IL1RAPL1: variants seen among roughly 807,000 people sequenced by gnomAD.
IL1RAPL1 encodes the protein interleukin 1 receptor accessory protein like 1.
Under a neutral mutation model 48.4 loss-of-function variants are expected in IL1RAPL1, and 3 were observed. The ratio of observed to expected loss-of-function variants is 0.06; its 90% confidence interval spans 0.03 to 0.16. The LOEUF (loss-of-function observed/expected upper bound fraction) is 0.16, where lower values mean the gene tolerates loss of function less well. Ranked by LOEUF, IL1RAPL1 falls within the 10% of genes least tolerant of loss-of-function variation. The probability of loss-of-function intolerance (pLI) is 1.00; values close to 1 mark genes in which losing one functional copy is unlikely to be tolerated. For synonymous variants in IL1RAPL1, 185 were observed against 187.7 expected, an observed-to-expected ratio of 0.99 and a Z score of 0.12; for missense variants, 349 against 530.6, an observed-to-expected ratio of 0.66 and a Z score of 3.36.
At chrX:29,833,797 G>C (rs1166839391) in intron 6 of IL1RAPL1, among the ~76,000 whole-genome samples, 1 of 111,850 alleles carries the variant, frequency 8.9e-6, no homozygotes, top group Non-Finnish European at 1.9e-5. Context: ...AGTGATGCCT[G>C]CTATGGGCAG....
rs772187082 is a variant in IL1RAPL1, at chrX:29,955,711, G to A, written c.1982G>A (p.Arg661Gln). The A allele has an allele frequency of 5.8e-6, 7 of 1,209,640 alleles. No homozygotes were observed. The highest frequency in any genetic ancestry group is 2.3e-4 in the Middle Eastern group (1 of 4,374). The change falls in exon 11 of 11, where the codon CGG (arginine) becomes CAG (glutamine). Residue 661 changes from arginine to glutamine, a missense_variant. Physicochemically the swap from Arg to Gln is conservative, Grantham distance 43. Transcript: ENST00000378993. ...NIPMTLINGQ[R>Q]PQTKSSREQN... Reference sequence around the variant, plus strand: ...CCTATGACACTCATCAACGGGCAGCGGCCACAGACAAAATCGAGCAGGGAG... The same window carrying A: ...CCTATGACACTCATCAACGGGCAGCAGCCACAGACAAAATCGAGCAGGGAG...
chrX:29,146,075 C>A (rs5985964), intron 2 of IL1RAPL1, among the ~76,000 whole-genome samples: 32,812 of 110,813 alleles, frequency 0.3, 4,797 homozygotes, highest in African/African-American at 0.57. Flanking sequence ...AAGACCTCTA[C>A]TTTCACTGTG....
chrX:29,734,146 G>A (rs754065504), intron 6 of IL1RAPL1, among the ~76,000 whole-genome samples: 9 of 112,609 alleles, frequency 8.0e-5, no homozygotes, highest in Non-Finnish European at 1.1e-4. Flanking sequence ...TATTGATTCC[G>A]ATTTTCTCTC....
At chrX:29,165,887 T>TTTGTATATAGTAGTGTGTA (rs1302117259) in intron 2 of IL1RAPL1, among the ~76,000 whole-genome samples, 1 of 112,059 alleles carries the variant, frequency 8.9e-6, no homozygotes, top group Non-Finnish European at 1.9e-5. Context: ...ACTATATACC[T>TTTGTATATAGTAGTGTGTA]TGAATTTGTA....
chrX:28,721,939 G>T (rs1441656015), intron 1 of IL1RAPL1, among the ~76,000 whole-genome samples: 8 of 111,364 alleles, frequency 7.2e-5, no homozygotes, highest in Non-Finnish European at 1.5e-4. Flanking sequence ...GCTCTGTTCT[G>T]TTCCACTGGT....
At chrX:28,781,992 A>G (rs1288663993) in intron 1 of IL1RAPL1, among the ~76,000 whole-genome samples, 2 of 111,600 alleles carry the variant, frequency 1.8e-5, no homozygotes, top group Non-Finnish European at 3.8e-5. Flanking sequence ...TTTGTGTGAG[A>G]AAATTTTATT....
intron 2 of IL1RAPL1, among the ~76,000 whole-genome samples, chrX:28,902,211 G>A (rs1261129077): frequency 2.9e-5 from 3 of 103,841 alleles, no homozygotes; most frequent in African/African-American, 1.1e-4. Context: ...TGGTTCTGTT[G>A]CCCAGGCTGG....
At chrX:29,436,151 A>G (rs1934479828) in intron 5 of IL1RAPL1, among the ~76,000 whole-genome samples, 1 of 110,098 alleles carries the variant, frequency 9.1e-6, no homozygotes, top group Admixed American at 9.7e-5. Context: ...AGGCAACAAA[A>G]AAGATAAAAC....
intron 5 of IL1RAPL1, among the ~76,000 whole-genome samples, chrX:29,617,461 G>A (rs1924322786): frequency 8.9e-6 from 1 of 112,193 alleles, no homozygotes; most frequent in Admixed American, 9.5e-5. Flanking sequence ...AGGAAGCACA[G>A]TCCTTAATGA....
intron 3 of IL1RAPL1, among the ~76,000 whole-genome samples, chrX:29,331,975 TGTG>T (rs1470959854): frequency 9.1e-6 from 1 of 110,447 alleles, no homozygotes; most frequent in Non-Finnish European, 1.9e-5. Context: ...ATACTCAACT[TGTG>T]GTTTGATGTG....
At chrX:29,354,807 C>T (rs752415318) in intron 3 of IL1RAPL1, among the ~76,000 whole-genome samples, 2 of 112,261 alleles carry the variant, frequency 1.8e-5, no homozygotes, top group East Asian at 5.6e-4. Context: ...TCTTTCTACC[C>T]TTCTACATTA....
chrX:29,244,034 T>C (rs1210174612), intron 2 of IL1RAPL1, among the ~76,000 whole-genome samples: 1 of 112,103 alleles, frequency 8.9e-6, no homozygotes, highest in East Asian at 2.8e-4. Flanking sequence ...CTGTTATCTA[T>C]TTGTTTCTAG....
intron 9 of IL1RAPL1, among the ~76,000 whole-genome samples, chrX:29,953,920 C>G (rs1267270850): frequency 2.7e-5 from 3 of 110,116 alleles, no homozygotes; most frequent in Non-Finnish European, 5.7e-5. Flanking sequence ...AGTCAAGATT[C>G]TCTGTGATCT....
chrX:28,730,448 T>G lies in IL1RAPL1; in HGVS notation c.-24-58872T>G, dbSNP rs1935740326. On this transcript the variant is annotated intron_variant, in intron 1 of 10. Coordinates refer to ENST00000378993, the MANE Select transcript of IL1RAPL1 (RefSeq NM_014271.4). ...TCCGAAAAACGACTAAATAGATACT[T>G]GGCCATATTTTCTACAAAATTATCT... Among the ~76,000 whole-genome samples the G allele has an allele frequency of 2.7e-5, 3 of 111,930 alleles. No homozygotes were observed. The Admixed American group carries it at 2.9e-4, about 11-fold the overall frequency.
chrX:29,636,008 A>G (rs1403599643), intron 5 of IL1RAPL1, among the ~76,000 whole-genome samples: 1 of 111,153 alleles, frequency 9.0e-6, no homozygotes, highest in Non-Finnish European at 1.9e-5. Context: ...TAGACCCAAA[A>G]TACAGCAATA....
intron 5 of IL1RAPL1, among the ~76,000 whole-genome samples, chrX:29,648,674 T>C (rs953766170): frequency 2.7e-5 from 3 of 111,363 alleles, no homozygotes; most frequent in Non-Finnish European, 5.7e-5. Context: ...TAAATGCCTA[T>C]ATCAAAAAAG....
At chrX:29,440,194 G>A (rs1411112351) in intron 5 of IL1RAPL1, among the ~76,000 whole-genome samples, 1 of 110,436 alleles carries the variant, frequency 9.1e-6, no homozygotes, top group Non-Finnish European at 1.9e-5. Context: ...TATTCGAAGA[G>A]ATATAATAGT....
At chrX:29,876,997 C>A (rs993864254) in intron 6 of IL1RAPL1, among the ~76,000 whole-genome samples, 1 of 111,332 alleles carries the variant, frequency 9.0e-6, no homozygotes, top group South Asian at 3.8e-4. Flanking sequence ...ACCAGAGCAC[C>A]AGCTTTGTTC....
At chrX:29,784,439 T>C (rs1437102867) in intron 6 of IL1RAPL1, among the ~76,000 whole-genome samples, 3 of 111,743 alleles carry the variant, frequency 2.7e-5, no homozygotes, top group African/African-American at 9.7e-5. Context: ...TGAAATTGCC[T>C]TGGCTATTCA....
Sources: gnomAD v4.1 joint callset for allele counts (sites outside exome capture counted in the v4.1 genomes callset) on GRCh38, gnomAD v4.1.1 for gene constraint, MANE v1.5 for transcripts, NCBI Gene and HGNC (gene_info 2026-07-23, HGNC 2026-07-21) for gene names.